The following RLF variants were observed in gnomAD, a reference collection of about 807,000 sequenced individuals.
RLF encodes RLF zinc finger.
In RLF, 7 loss-of-function variants were observed where a neutral mutation model predicts 162.9. That is an observed-to-expected ratio of 0.04 (90% CI 0.02 to 0.08). The LOEUF (loss-of-function observed/expected upper bound fraction) is 0.08. Among genes scored for constraint, RLF ranks in the 10% least tolerant of loss-of-function variants. The pLI, the probability that RLF is intolerant of heterozygous loss-of-function variation, is 1.00. For synonymous variants in RLF, 782 were observed against 791.5 expected (o/e 0.99, Z 0.20); for missense variants, 1,664 against 2,244.7 (o/e 0.74, Z 5.23).
rs1280431113 is a variant in RLF, at chr1:40,238,617, A to G, written c.3915A>G (p.Lys1305=). 4 of 1,613,656 alleles carry G rather than the reference A, an allele frequency of 2.5e-6. No homozygotes were observed. Among genetic ancestry groups the G allele is most frequent in the Non-Finnish European group, 3.4e-6 (4 of 1,179,952 alleles). ...AKGNLCYILN[K]YHKPFHCIHK... ...GAAATCTGTGTTATATTTTGAATAA[A>G]TACCACAAACCATTCCATTGTATTC... The change falls in exon 8 of 8, where the codon AAA becomes AAG. Residue 1305 remains lysine (K), a synonymous_variant. Transcript: ENST00000372771. This position sits in a 1 kb window ranked among gnomAD's most constrained non-coding sequence, Gnocchi z 5.2.
chr1:40,167,393 G>C (rs1642181949), intron 1 of RLF, among the ~76,000 whole-genome samples: 1 of 152,160 alleles, frequency 6.6e-6, no homozygotes, highest in African/African-American at 2.4e-5. Flanking sequence ...GCAAAAGCTA[G>C]CTTTGTAATG....
chr1:40,178,069 T>G (rs893269044), intron 1 of RLF: 16 of 150,136 alleles, frequency 1.1e-4, no homozygotes, highest in African/African-American at 3.7e-4. Context: ...TATATATATA[T>G]AGATAGGTAT....
chr1:40,171,461 GA>G (rs1642244496), intron 1 of RLF, among the ~76,000 whole-genome samples: 1 of 152,068 alleles, frequency 6.6e-6, no homozygotes, highest in Non-Finnish European at 1.5e-5. Context: ...CCTTGCTTGG[GA>G]ATTGCATTTT....
intron 1 of RLF, among the ~76,000 whole-genome samples, chr1:40,187,930 TG>T (rs1224580465): frequency 6.6e-6 from 1 of 152,202 alleles, no homozygotes; most frequent in African/African-American, 2.4e-5. Flanking sequence ...TCAGATAAGA[TG>T]TATTTCACTC....
At chr1:40,182,786 T>C (rs1474418157) in intron 1 of RLF, among the ~76,000 whole-genome samples, 1 of 151,858 alleles carries the variant, frequency 6.6e-6, no homozygotes, top group Non-Finnish European at 1.5e-5. Flanking sequence ...GATAGATAGA[T>C]AGATAGAGTA....
At chr1:40,204,796 A>G (rs557759091) in intron 5 of RLF, among the ~76,000 whole-genome samples, 3 of 152,278 alleles carry the variant, frequency 2.0e-5, no homozygotes, top group Non-Finnish European at 2.9e-5. Flanking sequence ...CTTCAAAACT[A>G]TACTGTAATA....
intron 1 of RLF, among the ~76,000 whole-genome samples, chr1:40,175,789 A>C (rs1371508046): frequency 2.0e-5 from 3 of 149,732 alleles, no homozygotes; most frequent in African/African-American, 7.5e-5. Context: ...CATCTCAAAA[A>C]AAAAAAAAAA....
chr1:40,228,305 G>T (rs1186210278), intron 6 of RLF, among the ~76,000 whole-genome samples: 2 of 148,910 alleles, frequency 1.3e-5, no homozygotes, highest in African/African-American at 4.9e-5. Context: ...AAAGCCAGGC[G>T]TGGTGGCTCA....
chr1:40,238,594 A>G lies in RLF; in HGVS notation c.3892A>G (p.Asn1298Asp). Residue 1298 changes from asparagine to aspartate, a missense_variant, in exon 8 of 8, where the codon AAT (asparagine) becomes GAT (aspartate). Asn to Asp is a conservative substitution (Grantham distance 23). Around this residue, in one of 15 missense-constraint regions of RLF, gnomAD observed 33 missense variants for 73.3 expected, o/e 0.45. Coordinates refer to ENST00000372771, the MANE Select transcript of RLF (RefSeq NM_012421.4). This position sits in a 1 kb window ranked among gnomAD's most constrained non-coding sequence, Gnocchi z 5.2. Reference sequence around the variant, plus strand: ...TAGCAGGCGAACTGTTGCTAAAGGAAATCTGTGTTATATTTTGAATAAATA... The same window carrying G: ...TAGCAGGCGAACTGTTGCTAAAGGAGATCTGTGTTATATTTTGAATAAATA... The part of the protein sequence containing the change: ...RGSRRTVAKG[N>D]LCYILNKYHK... 1 of 1,613,752 alleles carries G rather than the reference A, an allele frequency of 6.2e-7. No individual in the cohort carries two copies. The highest frequency in any genetic ancestry group is 8.5e-7 in the Non-Finnish European group (1 of 1,179,996).
At position 40,182,184 on chromosome 1, in the gene RLF, A is replaced by G. The variant is rs145802154; in HGVS notation, c.238-6871A>G. Among the ~76,000 whole-genome samples, 737 of 152,262 alleles carry G rather than the reference A, an allele frequency of 4.8e-3. 8 individuals are homozygous for G. Among genetic ancestry groups the G allele is most frequent in the African/African-American group, 0.017 (691 of 41,548 alleles). ...CATGGTGGCTCATGCCTGTAATTCC[A>G]GCACTTTGGGAGCCCGAGGTGAGCA... On this transcript the variant is annotated intron_variant, in intron 1 of 7. Transcript: ENST00000372771.
chr1:40,171,783 A>G (rs1642248564), intron 1 of RLF, among the ~76,000 whole-genome samples: 1 of 152,192 alleles, frequency 6.6e-6, no homozygotes. Context: ...TTGTGCAAAC[A>G]ACTCATGCAT....
rs1187846298 is a variant in RLF at position 40,214,148 on chromosome 1, C to T, written c.811-8426C>T. 2.6e-5 allele frequency among the ~76,000 whole-genome samples: 4 copies of T among 152,054 alleles called. No homozygotes were observed. In the East Asian group the frequency reaches 7.7e-4, roughly 29 times the overall value. On this transcript the variant is annotated intron_variant, in intron 5 of 7. Coordinates refer to ENST00000372771, the MANE Select transcript of RLF (RefSeq NM_012421.4). ...ATTACAAGAAATAATGCAGAAATGCCTTCCATTTATTCAGTATACATTCAT... is the reference window on the plus strand; with the variant it reads ...ATTACAAGAAATAATGCAGAAATGCTTTCCATTTATTCAGTATACATTCAT...
chr1:40,199,697 A>T (rs2124540888), intron 4 of RLF, among the ~76,000 whole-genome samples: 1 of 152,284 alleles, frequency 6.6e-6, no homozygotes, highest in Middle Eastern at 3.4e-3. Flanking sequence ...TATGCCTGTT[A>T]TCAGGTATGT....
chr1:40,235,774 A>G lies in RLF; in HGVS notation c.1090-18A>G. 1.4e-6 allele frequency: 2 copies of G among 1,479,362 alleles called. No individual in the cohort carries two copies. The highest frequency in any genetic ancestry group is 1.8e-6 in the Non-Finnish European group (2 of 1,113,832). 91.6% of individuals were successfully genotyped at this position (1,479,362 alleles called of 1,614,324 possible). A position where few individuals can be genotyped will look rare whatever the true frequency, so the allele number is the denominator to read the frequency against. ...CTGTATGCAAAAAAATAATTTTTTTATCCTCTTTTACTTACAGGCACAAGA... is the reference window on the plus strand; with the variant it reads ...CTGTATGCAAAAAAATAATTTTTTTGTCCTCTTTTACTTACAGGCACAAGA... On this transcript the variant is annotated intron_variant, in intron 7 of 7. Coordinates refer to ENST00000372771, the MANE Select transcript of RLF (RefSeq NM_012421.4).
intron 1 of RLF, among the ~76,000 whole-genome samples, chr1:40,178,580 A>G (rs1293023631): frequency 7.1e-6 from 1 of 140,964 alleles, no homozygotes; most frequent in Non-Finnish European, 1.6e-5. Context: ...TTTTACCACC[A>G]TTTTGAAAAA....
intron 5 of RLF, among the ~76,000 whole-genome samples, chr1:40,208,802 G>A (rs775977363): frequency 6.6e-6 from 1 of 152,194 alleles, no homozygotes; most frequent in Non-Finnish European, 1.5e-5. Flanking sequence ...AGATGACAGA[G>A]TAAGACCCTG....
chr1:40,192,882 A>G (rs922551200), intron 3 of RLF, among the ~76,000 whole-genome samples: 2 of 152,148 alleles, frequency 1.3e-5, no homozygotes, highest in African/African-American at 2.4e-5. Context: ...CTTTTTTCCT[A>G]TGGACATAAA....
intron 5 of RLF, among the ~76,000 whole-genome samples, chr1:40,214,947 T>TAAAAAAAAAAA (rs1642906912): frequency 1.4e-4 from 9 of 65,024 alleles, no homozygotes; most frequent in South Asian, 5.3e-4. Context: ...AAAAAAAAAC[T>TAAAAAAAAAAA]AAAGTATGAG....
At position 40,237,295 on chromosome 1, in the gene RLF, C is replaced by T. The variant is rs1401773906; in HGVS notation, c.2593C>T (p.His865Tyr). The T allele has an allele frequency of 6.2e-7, 1 of 1,614,058 alleles. No homozygotes were observed. Reference sequence around the variant, plus strand: ...TCTACTTAACCAAACTGATAAATCACATTTACCTGAAGATCTTTTCTGTGC... The same window carrying T: ...TCTACTTAACCAAACTGATAAATCATATTTACCTGAAGATCTTTTCTGTGC... ...PHLLNQTDKS[H>Y]LPEDLFCAES... The change falls in exon 8 of 8, where the codon CAT (histidine) becomes TAT (tyrosine). Residue 865 changes from histidine (H) to tyrosine (Y), a missense_variant. This residue lies in a region of RLF where 295 missense variants were observed against 317.4 expected (regional missense o/e 0.93). Coordinates refer to ENST00000372771, the MANE Select transcript of RLF (RefSeq NM_012421.4). The surrounding 1 kb of genome is among the most constrained non-coding windows in gnomAD (Gnocchi z 4.4).
Sources: gnomAD v4.1 joint callset for allele counts (sites outside exome capture counted in the v4.1 genomes callset) on GRCh38, gnomAD v4.1.1 for gene constraint, gnomAD v4.1.1 regional missense constraint, Gnocchi (gnomAD v3.1) non-coding constraint, MANE v1.5 for transcripts, NCBI Gene and HGNC (gene_info 2026-07-23, HGNC 2026-07-21) for gene names.